ADPGK: variants seen among roughly 807,000 people sequenced by gnomAD.
ADPGK encodes ADP dependent glucokinase, also known as ADP-dependent glucokinase.
Under a neutral mutation model 42.4 loss-of-function variants are expected in ADPGK, and 26 were observed. That is an observed-to-expected ratio of 0.61 (90% CI 0.45 to 0.85). ADPGK has a LOEUF of 0.85. Among genes scored for constraint, ADPGK ranks in the 40% least tolerant of loss-of-function variants. The pLI is 0.00. For synonymous variants in ADPGK, 267 were observed against 252.6 expected (o/e 1.06, Z -0.54); for missense variants, 571 against 627.0 (o/e 0.91, Z 0.95).
rs557978331 is a variant in ADPGK, at chr15:72,758,262, C to A, written c.644-1815G>T. ...CTGCCTGTAATGGTAGTTAGCGCCC[C>A]TCTTTCCTCACAAAGTGTTGTATTC... On this transcript the variant is annotated intron_variant, in intron 4 of 6. Coordinates refer to ENST00000456471, the MANE Select transcript of ADPGK (RefSeq NM_001365225.1). The A allele has an allele frequency of 9.6e-5, 78 of 814,658 alleles. No individual in the cohort carries two copies. In the African/African-American group the frequency reaches 1.1e-3, roughly 12 times the overall value. 50.5% of individuals were successfully genotyped at this position (814,658 alleles called of 1,614,324 possible).
At chr15:72,753,023 C>T (rs573763016) in intron 6 of ADPGK, 128 bp from the exon 7 acceptor site, 3 of 911,750 alleles carry the variant, frequency 3.3e-6, no homozygotes, top group African/African-American at 3.4e-5. Flanking sequence ...TACAGGACTC[C>T]CTGGCCCTGA....
chr15:72,756,066 C>T (rs2066109456), intron 5 of ADPGK, 185 bp downstream of exon 5: 1 of 736,644 alleles, frequency 1.4e-6, no homozygotes, highest in African/African-American at 1.7e-5. Flanking sequence ...ACTCAAGCTG[C>T]TGCCCACATC....
intron 2 of ADPGK, among the ~76,000 whole-genome samples, chr15:72,772,917 GTTCTATTA>G (rs2066346174): frequency 6.6e-6 from 1 of 152,114 alleles, no homozygotes; most frequent in Non-Finnish European, 1.5e-5. Flanking sequence ...TAAGGCTGCT[GTTCTATTA>G]TAAAAGTTGA....
intron 3 of ADPGK, among the ~76,000 whole-genome samples, chr15:72,766,873 A>C (rs1002898214): frequency 3.3e-5 from 5 of 152,230 alleles, no homozygotes; most frequent in African/African-American, 7.2e-5. Context: ...AAAAAGAGGG[A>C]CAAAGATAGA....
chr15:72,752,303 G>C lies in ADPGK; in HGVS notation c.*38C>G, dbSNP rs2066054708. ...CTTCCTGTAATTCTTAAGTTGGCTAGTTCTCCTTCCTCAGAAAAATTACCC... is the reference window on the plus strand; with the variant it reads ...CTTCCTGTAATTCTTAAGTTGGCTACTTCTCCTTCCTCAGAAAAATTACCC... On this transcript the variant is annotated 3_prime_UTR_variant, in exon 7 of 7. Coordinates refer to ENST00000456471, the MANE Select transcript of ADPGK (RefSeq NM_001365225.1). 1 of 1,556,832 alleles carries C rather than the reference G, an allele frequency of 6.4e-7. No homozygotes were observed. The highest frequency in any genetic ancestry group is 1.4e-5 in the African/African-American group (1 of 73,120).
chr15:72,752,339 T>A lies in ADPGK; in HGVS notation c.*2A>T. ...TCAGAAAAATTACCCCTAAGAATCT[T>A]CCTAATAGTGAGGGTGTACTTCCGA... On this transcript the variant is annotated 3_prime_UTR_variant, in exon 7 of 7. Coordinates refer to ENST00000456471, the MANE Select transcript of ADPGK (RefSeq NM_001365225.1). 6.2e-7 allele frequency: 1 copy of A among 1,608,172 alleles called. No individual in the cohort carries two copies. The highest frequency in any genetic ancestry group is 8.5e-7 in the Non-Finnish European group (1 of 1,176,036).
At position 72,752,225 on chromosome 15, in the gene ADPGK, C is replaced by T. The variant is rs1260288126; in HGVS notation, c.*116G>A. 1 of 1,036,994 alleles carries T rather than the reference C, an allele frequency of 9.6e-7. No individual in the cohort carries two copies. The highest frequency in any genetic ancestry group is 2.8e-5 in the Admixed American group (1 of 35,214). 64.2% of individuals were successfully genotyped at this position (1,036,994 alleles called of 1,614,324 possible). ...GGAGTTGCCAACAGGCTGGAATGTA[C>T]CTGATACAGTTTAATCTGCTTTTAT... On this transcript the variant is annotated 3_prime_UTR_variant, in exon 7 of 7. Transcript: ENST00000456471.
At chr15:72,770,426 G>C (rs1373270454) in intron 3 of ADPGK, among the ~76,000 whole-genome samples, 7 of 152,182 alleles carry the variant, frequency 4.6e-5, no homozygotes, top group Non-Finnish European at 1.0e-4. Flanking sequence ...CCTGGGTATT[G>C]TCTTCCCAGA....
chr15:72,766,160 A>T lies in ADPGK; in HGVS notation c.522+5623T>A, dbSNP rs574041125. On this transcript the variant is annotated intron_variant, in intron 3 of 6. Coordinates refer to ENST00000456471, the MANE Select transcript of ADPGK (RefSeq NM_001365225.1). ...GCGCCACCATGCCTAGCTAATTAAA[A>T]AAAATTTTTTTTTAGAGATGGGGTC... 9.5e-4 allele frequency among the ~76,000 whole-genome samples: 144 copies of T among 152,166 alleles called. 1 individual carries two copies. The highest frequency in any genetic ancestry group is 3.0e-3 in the African/African-American group (124 of 41,508).
At chr15:72,759,421 A>G (rs991433417) in intron 4 of ADPGK, among the ~76,000 whole-genome samples, 40 of 152,188 alleles carry the variant, frequency 2.6e-4, no homozygotes, top group African/African-American at 8.4e-4. Flanking sequence ...CTGTGTCCCT[A>G]ATTTTCAGAC....
At chr15:72,753,013 T>C in intron 6 of ADPGK, 118 bp from the exon 7 acceptor site, 2 of 1,009,928 alleles carry the variant, frequency 2.0e-6, no homozygotes, top group East Asian at 2.6e-5. Context: ...TCTTCCTTGA[T>C]ACAGGACTCC....
chr15:72,759,376 T>A (rs1453864518), intron 4 of ADPGK, among the ~76,000 whole-genome samples: 1 of 152,150 alleles, frequency 6.6e-6, no homozygotes, highest in Non-Finnish European at 1.5e-5. Context: ...CTCAAAAACT[T>A]GTGTAGCATT....
Position 72,754,325 on chromosome 15 carries a change from C to T in ADPGK, c.939+1231G>A, listed in dbSNP as rs967783300. ...CCGCCGCCCCACACACCGCTGATGACGAGGGATGACTGTATACTGAAATAC... is the reference window on the plus strand; with the variant it reads ...CCGCCGCCCCACACACCGCTGATGATGAGGGATGACTGTATACTGAAATAC... On this transcript the variant is annotated intron_variant, in intron 6 of 6. Transcript: ENST00000456471. Among the ~76,000 whole-genome samples the T allele has an allele frequency of 7.2e-5, 11 of 152,180 alleles. 1 individual carries two copies. In the Middle Eastern group the frequency reaches 0.01, roughly 141 times the overall value.
intron 1 of ADPGK, among the ~76,000 whole-genome samples, chr15:72,776,247 G>C (rs1364553031): frequency 6.6e-6 from 1 of 152,120 alleles, no homozygotes; most frequent in Non-Finnish European, 1.5e-5. Context: ...CTTTTAAAGA[G>C]AACGTTCAAA....
At chr15:72,781,810 T>A (rs1384456457) in intron 1 of ADPGK, among the ~76,000 whole-genome samples, 7 of 152,206 alleles carry the variant, frequency 4.6e-5, no homozygotes, top group African/African-American at 1.7e-4. Context: ...TAATTCCCAA[T>A]GTGACTATAT....
In ADPGK at chr15:72,760,524, G is replaced by T; in HGVS notation, c.526C>A (p.Leu176Ile). The T allele has an allele frequency of 6.3e-7, 1 of 1,597,766 alleles. No homozygotes were observed. The highest frequency in any genetic ancestry group is 1.1e-5 in the South Asian group (1 of 89,934). The stretch of plus-strand genomic sequence containing the variant: ...TTTGGACCAACTGGACCGCAAAGAA[G>T]AACCTGGAGGCAAGCAACACGAAGT... The part of the protein sequence containing the change: ...KFAANSDLKV[L>I]LCGPVGPKLH... The change falls in exon 4 of 7, where the codon CTT becomes ATT. Residue 176 changes from leucine to isoleucine, a missense_variant. Physicochemically the swap from Leu to Ile is conservative, Grantham distance 5. Around this residue, in one of 2 missense-constraint regions of ADPGK, gnomAD observed 434 missense variants for 522.7 expected, o/e 0.83. Coordinates refer to ENST00000456471, the MANE Select transcript of ADPGK (RefSeq NM_001365225.1).
Position 72,783,589 on chromosome 15 carries a change from G to A in ADPGK, c.103C>T (p.Leu35Phe). 1 of 1,516,444 alleles carries A rather than the reference G, an allele frequency of 6.6e-7. No homozygotes were observed. The highest frequency in any genetic ancestry group is 1.2e-5 in the South Asian group (1 of 81,788). The allele number at this position is 1,516,444 out of a possible 1,614,324, so 93.9% of individuals were successfully genotyped here. ...GGCCCCAGACACAGCGAGCTCCAGA[G>A]AGAGCGCAGCGCCGAGCCTGGCAGC... ...PELPGSALRS[L>F]WSSLCLGPAP... Residue 35 changes from leucine (L) to phenylalanine (F), a missense_variant, in exon 1 of 7, where the codon CTC (leucine) becomes TTC (phenylalanine). This residue lies in a region of ADPGK where 137 missense variants were observed against 104.2 expected (regional missense o/e 1.31). Coordinates refer to ENST00000456471, the MANE Select transcript of ADPGK (RefSeq NM_001365225.1).
chr15:72,764,656 C>T (rs1270543197), intron 3 of ADPGK, among the ~76,000 whole-genome samples: 2 of 152,104 alleles, frequency 1.3e-5, no homozygotes, highest in African/African-American at 2.4e-5. Flanking sequence ...ACAACAGGTT[C>T]GATGTATACA....
rs2066066215 is a variant in ADPGK, at chr15:72,752,885, G to C, written c.950C>G (p.Pro317Arg). The change falls in exon 7 of 7, where the codon CCC becomes CGC. Residue 317 changes from proline (P) to arginine (R), a missense_variant. By Grantham distance (103) the Pro-to-Arg change is moderately radical. This residue lies in a region of ADPGK where 434 missense variants were observed against 522.7 expected (regional missense o/e 0.83). Transcript: ENST00000456471. ...MSSIVHQQVFPAVTSLGLNEQ... is the reference protein window; with the variant it reads ...MSSIVHQQVFRAVTSLGLNEQ... ...ATTCAGCCCAAGGGAAGTCACCGCGGGAAAGACCTGCTAACAAAAACAACA... is the reference window on the plus strand; with the variant it reads ...ATTCAGCCCAAGGGAAGTCACCGCGCGAAAGACCTGCTAACAAAAACAACA... The C allele has an allele frequency of 1.1e-5, 17 of 1,609,812 alleles. No homozygotes were observed. Among genetic ancestry groups the C allele is most frequent in the Non-Finnish European group, 1.4e-5 (17 of 1,177,628 alleles).
Sources: gnomAD v4.1 joint callset for allele counts (sites outside exome capture counted in the v4.1 genomes callset) on GRCh38, gnomAD v4.1.1 for gene constraint, gnomAD v4.1.1 regional missense constraint, MANE v1.5 for transcripts, NCBI Gene and HGNC (gene_info 2026-07-23, HGNC 2026-07-21) for gene names.